Variants in ABCB8 observed in about 807,000 individuals in gnomAD.
The protein encoded by ABCB8 is mitochondrial potassium channel ATP-binding subunit.
A neutral mutation model predicts 73.0 loss-of-function variants in ABCB8; 52 were observed. The observed-to-expected ratio is 0.71, with a 90% confidence interval of 0.57 to 0.90. The LOEUF (loss-of-function observed/expected upper bound fraction) is 0.90. Among genes scored for constraint, ABCB8 ranks in the 40% least tolerant of loss-of-function variants. ABCB8 has a pLI of 0.00. For synonymous variants in ABCB8, 428 were observed against 423.5 expected, an observed-to-expected ratio of 1.01 and a Z score of -0.13; for missense variants, 909 against 974.6, an observed-to-expected ratio of 0.93 and a Z score of 0.90.
In ABCB8 at chr7:151,045,733, CA is replaced by C; in HGVS notation, c.*385del. ...AAATTGGCCAGGCCTACAGTAGCTC[CA>C]GGGAATTTTTAAAAATCAGGGTCTG... On this transcript the variant is annotated 3_prime_UTR_variant, in exon 16 of 16. Transcript: ENST00000358849. 5.5e-6 allele frequency: 1 copy of C among 181,512 alleles called. No homozygotes were observed. The highest frequency in any genetic ancestry group is 1.1e-5 in the Non-Finnish European group (1 of 87,998). 11.2% of individuals were successfully genotyped at this position (181,512 alleles called of 1,614,324 possible). A position where few individuals can be genotyped will look rare whatever the true frequency, so the allele number is the denominator to read the frequency against.
In ABCB8 at chr7:151,035,705, C is replaced by T; in HGVS notation, c.890C>T (p.Ser297Leu). The change falls in exon 6 of 16, where the codon TCA becomes TTA. Residue 297 changes from serine to leucine, a missense_variant. Transcript: ENST00000358849. The part of the protein sequence containing the change: ...ALMGVGTLMG[S>L]GLRKLSRQCQ... ...ATGGGAGTGGGCACCCTGATGGGCT[C>T]AGGCCTCCGAAAATTGTCTCGCCAG... 1 of 1,613,638 alleles carries T rather than the reference C, an allele frequency of 6.2e-7. No individual in the cohort carries two copies. The highest frequency in any genetic ancestry group is 1.1e-5 in the South Asian group (1 of 91,078).
intron 9 of ABCB8, chr7:151,038,708 A>C (rs1264078847): frequency 6.6e-6 from 1 of 152,118 alleles, no homozygotes; most frequent in Non-Finnish European, 1.5e-5. Context: ...GCCATCCAGC[A>C]GCTTTATGAC....
At chr7:151,040,332 G>T (rs747992695) in intron 10 of ABCB8, 31 bp downstream of exon 10, 2 of 1,611,590 alleles carry the variant, frequency 1.2e-6, no homozygotes, top group African/African-American at 2.7e-5. Context: ...AGGGCCTGGG[G>T]TGTGGAGTTT....
At chr7:151,031,190 T>C (rs1796151950) in intron 1 of ABCB8, 2 of 1,149,792 alleles carry the variant, frequency 1.7e-6, no homozygotes, top group East Asian at 2.6e-5. Context: ...ACATCTATTA[T>C]GTACCGGAGT....
Position 151,047,558 on chromosome 7 carries a change from G to A in ABCB8, c.*2209G>A, listed in dbSNP as rs1796647094. 6.6e-6 allele frequency: 1 copy of A among 152,304 alleles called. No individual in the cohort carries two copies. The highest frequency in any genetic ancestry group is 2.1e-4 in the South Asian group (1 of 4,834). The allele number at this position is 152,304 out of a possible 1,614,324, so 9.4% of individuals were successfully genotyped here. A position where few individuals can be genotyped will look rare whatever the true frequency, so the allele number is the denominator to read the frequency against. On this transcript the variant is annotated 3_prime_UTR_variant, in exon 16 of 16. Transcript: ENST00000358849. ...CCTGCCCCCATGAAGCTTGTGTCCT[G>A]TTGGGAGGACAGACAGGTGGCCCAG... is the stretch of plus-strand genomic sequence containing the variant.
chr7:151,036,658 G>A lies in ABCB8; in HGVS notation c.1217+9G>A, dbSNP rs759568859. On this transcript the variant is annotated intron_variant, in intron 9 of 15. Transcript: ENST00000358849. The stretch of plus-strand genomic sequence containing the variant: ...TCCCAGACAGTGCAAAGGTAAGTGG[G>A]GGCCGTTCCCATTGCTACAGAGCCC... 1 of 1,588,634 alleles carries A rather than the reference G, an allele frequency of 6.3e-7. No individual in the cohort carries two copies. Among genetic ancestry groups the A allele is most frequent in the East Asian group, 2.2e-5 (1 of 44,580 alleles).
intron 15 of ABCB8, 110 bp from the exon 16 acceptor site, chr7:151,045,099 C>T (rs981029125): frequency 3.3e-5 from 44 of 1,332,514 alleles, no homozygotes; most frequent in Middle Eastern, 1.9e-4. Context: ...GAAGGGACAC[C>T]GGCCTAAGTG....
At position 151,035,618 on chromosome 7, in the gene ABCB8, T is replaced by C. The variant is rs1433820566; in HGVS notation, c.803T>C (p.Val268Ala). ...TGCACCCAGGTGGCAGGCTGCCTGG[T>C]GTCCCTGTCCATGCTGTCGACACGC... ...RSCTQVAGCL[V>A]SLSMLSTRLT... is the part of the protein sequence containing the mutation. Residue 268 changes from valine to alanine, a missense_variant, in exon 6 of 16, where the codon GTG (valine) becomes GCG (alanine). By Grantham distance (64) the Val-to-Ala change is moderately conservative. Transcript: ENST00000358849. 31 of 1,603,996 alleles carry C rather than the reference T, an allele frequency of 1.9e-5. No individual in the cohort carries two copies. The highest frequency in any genetic ancestry group is 2.4e-5 in the Non-Finnish European group (28 of 1,172,306).
In ABCB8 at chr7:151,033,981, C is replaced by T; in HGVS notation, c.408+64C>T. 5 of 1,495,072 alleles carry T rather than the reference C, an allele frequency of 3.3e-6. No individual in the cohort carries two copies. The South Asian group carries it at 6.5e-5, about 20-fold the overall frequency. 92.6% of individuals were successfully genotyped at this position (1,495,072 alleles called of 1,614,324 possible). A position where few individuals can be genotyped will look rare whatever the true frequency, so the allele number is the denominator to read the frequency against. The stretch of plus-strand genomic sequence containing the variant: ...AGGACCCAGAGCTGCAAAGGGATGG[C>T]ATTCCTGCCTCGCTGCCTCTCAGGG... On this transcript the variant is annotated intron_variant, in intron 2 of 15. Coordinates refer to ENST00000358849, the MANE Select transcript of ABCB8 (RefSeq NM_007188.5).
chr7:151,036,611 C>T lies in ABCB8; in HGVS notation c.1179C>T (p.Asp393=). The T allele has an allele frequency of 6.2e-7, 1 of 1,613,120 alleles. No individual in the cohort carries two copies. The highest frequency in any genetic ancestry group is 8.5e-7 in the Non-Finnish European group (1 of 1,179,454). Residue 393 remains aspartate, a synonymous_variant, in exon 9 of 16, where the codon GAC becomes GAT. Transcript: ENST00000358849. ...LVAGQQLTGG[D]LMSFLVASQT... is the part of the protein sequence containing the mutation. ...CCGGACAGCAGCTGACAGGGGGAGA[C>T]CTCATGTCCTTCCTGGTGGCCTCCC... is the stretch of plus-strand genomic sequence containing the variant.
intron 10 of ABCB8, 55 bp downstream of exon 10, chr7:151,040,356 C>T (rs932988491): frequency 2.0e-5 from 32 of 1,604,314 alleles, no homozygotes; most frequent in Middle Eastern, 1.7e-4. Flanking sequence ...CCGTGTGTGC[C>T]GCTGTGGGAG....
In ABCB8 at chr7:151,042,014, G is replaced by C. The variant is rs1796480206; in HGVS notation, c.1671G>C (p.Leu557=). 6.2e-7 allele frequency: 1 copy of C among 1,613,070 alleles called. No homozygotes were observed. The highest frequency in any genetic ancestry group is 8.5e-7 in the Non-Finnish European group (1 of 1,180,002). Reference sequence around the variant, plus strand: ...TGGAAAACATCCGCTTTGGGAAGCTGGAAGCTTCCGATGAAGAGGTGTACA... The same window carrying C: ...TGGAAAACATCCGCTTTGGGAAGCTCGAAGCTTCCGATGAAGAGGTGTACA... ...TIMENIRFGK[L]EASDEEVYTA... is the part of the protein sequence containing the mutation. Residue 557 remains leucine, a synonymous_variant, in exon 14 of 16, where the codon CTG becomes CTC. Transcript: ENST00000358849.
chr7:151,043,094 G>A (rs373774705), intron 14 of ABCB8, among the ~76,000 whole-genome samples: 277 of 152,330 alleles, frequency 1.8e-3, no homozygotes, highest in African/African-American at 5.9e-3. Context: ...CCACCTCCCT[G>A]GAGTCACTGG....
chr7:151,041,534 C>T (rs978860132), intron 13 of ABCB8, among the ~76,000 whole-genome samples: 3 of 152,218 alleles, frequency 2.0e-5, no homozygotes, highest in Non-Finnish European at 4.4e-5. Context: ...TCTAGAGAAG[C>T]CTATAGTGGA....
At chr7:151,041,914 A>G in intron 13 of ABCB8, 47 bp from the exon 14 acceptor site, 1 of 1,599,704 alleles carries the variant, frequency 6.3e-7, no homozygotes, top group South Asian at 1.1e-5. Flanking sequence ...TTCTGGGGCA[A>G]AGAGAATGTT....
intron 1 of ABCB8, chr7:151,033,212 C>T: frequency 2.4e-6 from 1 of 414,710 alleles, no homozygotes; most frequent in South Asian, 1.8e-5. Context: ...CACCTCTCTG[C>T]ACCGTGGTCC....
At chr7:151,043,176 T>G (rs1006755612) in intron 14 of ABCB8, among the ~76,000 whole-genome samples, 1 of 152,148 alleles carries the variant, frequency 6.6e-6, no homozygotes, top group African/African-American at 2.4e-5. Flanking sequence ...GGAAGGTGGC[T>G]TGGAACTGCA....
Position 151,044,149 on chromosome 7 carries a change from A to G in ABCB8, c.1944A>G (p.Val648=), listed in dbSNP as rs757081960. The change falls in exon 15 of 16, where the codon GTA becomes GTG. Residue 648 remains valine, a synonymous_variant. Coordinates refer to ENST00000358849, the MANE Select transcript of ABCB8 (RefSeq NM_007188.5). ...CCAGTGCAGGCCGCACGGTGCTGGT[A>G]ATTGCCCACCGGCTCAGCACTGTCC... The part of the protein sequence containing the change: ...DRASAGRTVL[V]IAHRLSTVRG... 6.2e-7 allele frequency: 1 copy of G among 1,613,952 alleles called. No individual in the cohort carries two copies. Among genetic ancestry groups the G allele is most frequent in the Non-Finnish European group, 8.5e-7 (1 of 1,179,920 alleles).
chr7:151,036,797 G>A, intron 9 of ABCB8, 148 bp downstream of exon 9: 1 of 792,270 alleles, frequency 1.3e-6, no homozygotes, highest in Non-Finnish European at 2.2e-6. Context: ...TGCATAGGGT[G>A]GGGAGAGAGA....
Sources: gnomAD v4.1 joint callset for allele counts (sites outside exome capture counted in the v4.1 genomes callset) on GRCh38, gnomAD v4.1.1 for gene constraint, MANE v1.5 for transcripts, NCBI Gene and HGNC (gene_info 2026-07-23, HGNC 2026-07-21) for gene names.